The following PTCSC3 variants were observed in gnomAD, a reference collection of about 807,000 sequenced individuals.
PTCSC3 encodes the protein papillary thyroid carcinoma susceptibility candidate 3.
intron 3 of PTCSC3, among the ~76,000 whole-genome samples, chr14:36,141,477 C>T (rs1415028128): frequency 1.3e-5 from 2 of 151,626 alleles, no homozygotes; most frequent in Non-Finnish European, 2.9e-5. Flanking sequence ...ATAAACATCC[C>T]AGGTAGCTGG....
chr14:36,148,800 G>T (rs540518290), intron 3 of PTCSC3, among the ~76,000 whole-genome samples: 1 of 152,116 alleles, frequency 6.6e-6, no homozygotes, highest in Non-Finnish European at 1.5e-5. Flanking sequence ...ATATTATCAC[G>T]TTGTGGGCAT....
At chr14:36,147,309 G>A (rs537160813) in intron 3 of PTCSC3, among the ~76,000 whole-genome samples, 3 of 152,276 alleles carry the variant, frequency 2.0e-5, no homozygotes, top group East Asian at 1.9e-4. Flanking sequence ...CCAATCAGAC[G>A]TAGATTTGGT....
intron 3 of PTCSC3, among the ~76,000 whole-genome samples, chr14:36,153,330 G>T (rs1037767441): frequency 2.0e-5 from 3 of 152,196 alleles, no homozygotes; most frequent in Non-Finnish European, 4.4e-5. Flanking sequence ...AATATTTAGT[G>T]TACAACAATA....
intron 3 of PTCSC3, among the ~76,000 whole-genome samples, chr14:36,136,664 C>A (rs1881294964): frequency 6.6e-6 from 1 of 152,132 alleles, no homozygotes; most frequent in African/African-American, 2.4e-5. Context: ...CTTATCAACT[C>A]ATTCATTTAT....
At chr14:36,175,464 C>T (rs546118598) in intron 1 of PTCSC3, among the ~76,000 whole-genome samples, 7 of 152,168 alleles carry the variant, frequency 4.6e-5, no homozygotes, top group Non-Finnish European at 1.5e-5. Flanking sequence ...CACATTTCCA[C>T]GTTGGGAAGA....
rs115152025 is a variant in PTCSC3 at position 36,169,343 on chromosome 14, C to T, written n.172-6660G>A. 2.8e-3 allele frequency among the ~76,000 whole-genome samples: 427 copies of T among 152,128 alleles called. 3 individuals carry two copies. Among genetic ancestry groups the T allele is most frequent in the African/African-American group, 9.6e-3 (398 of 41,516 alleles). On this transcript the variant is annotated intron_variant and non_coding_transcript_variant, in intron 1 of 3. Coordinates refer to ENST00000556013, the Ensembl canonical transcript of PTCSC3. ...ACACTCTAAAAAACATTTATGAATA[C>T]GCATTACCATTATTCGTGGTGTCTC...
At chr14:36,172,956 T>C (rs988819704) in intron 1 of PTCSC3, among the ~76,000 whole-genome samples, 24 of 152,236 alleles carry the variant, frequency 1.6e-4, no homozygotes, top group African/African-American at 5.5e-4. Flanking sequence ...GTTTTTTTTT[T>C]AAGTATTGGT....
intron 3 of PTCSC3, among the ~76,000 whole-genome samples, chr14:36,148,691 C>T (rs1438435660): frequency 6.6e-6 from 1 of 152,136 alleles, no homozygotes; most frequent in Non-Finnish European, 1.5e-5. Context: ...CTCCTCCCCC[C>T]ATTCAATTTC....
At chr14:36,170,075 G>T (rs540852141) in intron 1 of PTCSC3, among the ~76,000 whole-genome samples, 1 of 152,148 alleles carries the variant, frequency 6.6e-6, no homozygotes, top group South Asian at 2.1e-4. Context: ...TTTTCAAAAG[G>T]CTAGACATTT....
At chr14:36,160,605 T>C (rs1250416638) in intron 2 of PTCSC3, among the ~76,000 whole-genome samples, 1 of 152,072 alleles carries the variant, frequency 6.6e-6, no homozygotes, top group African/African-American at 2.4e-5. Context: ...TTTAGTCTGA[T>C]GGGCTTCCCT....
Position 36,154,274 on chromosome 14 carries a change from G to A in PTCSC3, n.232-380C>T, listed in dbSNP as rs142221589. ...GTGATCTGGGTGGTAGTTACATGGA[G>A]TTTACTTTGTAAAAATTAATGAAGC... On this transcript the variant is annotated intron_variant and non_coding_transcript_variant, in intron 2 of 3. Transcript: ENST00000556013. Among the ~76,000 whole-genome samples, 204 of 152,154 alleles carry A rather than the reference G, an allele frequency of 1.3e-3. 2 individuals carry two copies. The highest frequency in any genetic ancestry group is 4.8e-3 in the African/African-American group (200 of 41,498).
At chr14:36,161,748 G>A (rs1881960633) in intron 2 of PTCSC3, among the ~76,000 whole-genome samples, 2 of 152,222 alleles carry the variant, frequency 1.3e-5, no homozygotes, top group Admixed American at 6.5e-5. Flanking sequence ...GAGCTTGAAC[G>A]CTGTGCTGGA....
intron 1 of PTCSC3, among the ~76,000 whole-genome samples, chr14:36,163,109 G>C (rs1882005990): frequency 6.6e-6 from 1 of 151,578 alleles, no homozygotes; most frequent in Admixed American, 6.6e-5. Flanking sequence ...AAATAGCCAT[G>C]GTAGGTGGTA....
intron 3 of PTCSC3, among the ~76,000 whole-genome samples, chr14:36,141,546 T>A (rs1234153384): frequency 6.6e-6 from 1 of 151,940 alleles, no homozygotes; most frequent in Non-Finnish European, 1.5e-5. Flanking sequence ...AGAGACGGGG[T>A]TTCACCATGT....
chr14:36,171,909 G>A (rs1882201247), intron 1 of PTCSC3, among the ~76,000 whole-genome samples: 1 of 152,004 alleles, frequency 6.6e-6, no homozygotes, highest in South Asian at 2.1e-4. Context: ...TGCAAACATG[G>A]GTTATTTAAC....
At chr14:36,163,747 C>T (rs185277966) in intron 1 of PTCSC3, among the ~76,000 whole-genome samples, 147 of 152,204 alleles carry the variant, frequency 9.7e-4, no homozygotes, top group Admixed American at 1.4e-3. Flanking sequence ...TAAAATAGAA[C>T]GGCACGAATC....
chr14:36,159,468 AATAACTT>A (rs1881905764), intron 2 of PTCSC3, among the ~76,000 whole-genome samples: 1 of 151,686 alleles, frequency 6.6e-6, no homozygotes, highest in Admixed American at 6.6e-5. Context: ...ATTGGTTTCA[AATAACTT>A]ATTTATTTCT....
chr14:36,148,445 C>T (rs961935199), intron 3 of PTCSC3, among the ~76,000 whole-genome samples: 2 of 152,202 alleles, frequency 1.3e-5, no homozygotes, highest in African/African-American at 2.4e-5. Flanking sequence ...GTCCGTCACC[C>T]CTTTCTTTGA....
At chr14:36,148,556 CA>C (rs1199059051) in intron 3 of PTCSC3, among the ~76,000 whole-genome samples, 2 of 152,200 alleles carry the variant, frequency 1.3e-5, no homozygotes, top group Non-Finnish European at 2.9e-5. Context: ...GACCTGTGCC[CA>C]CTGTCTGGCA....
Sources: gnomAD v4.1 joint callset for allele counts (sites outside exome capture counted in the v4.1 genomes callset) on GRCh38, gnomAD v4.1.1 for gene constraint, MANE v1.5 for transcripts, NCBI Gene and HGNC (gene_info 2026-07-23, HGNC 2026-07-21) for gene names.